TIAM1: variants seen among roughly 807,000 people sequenced by gnomAD.
TIAM1 encodes the protein TIAM Rac1 associated GEF 1.
A neutral mutation model predicts 163.5 loss-of-function variants in TIAM1; 65 were observed. That is an observed-to-expected ratio of 0.40 (90% confidence interval 0.33 to 0.49). The LOEUF is 0.49. Ranked by LOEUF, TIAM1 falls within the 20% of genes least tolerant of loss-of-function variation. TIAM1 has a pLI of 0.77. For missense variants in TIAM1, 1,789 were observed against 2,044.7 expected (o/e 0.87, Z 2.41); for synonymous variants, 833 against 810.1 (o/e 1.03, Z -0.48).
intron 20 of TIAM1, among the ~76,000 whole-genome samples, chr21:31,142,913 A>G (rs1402400971): frequency 1.3e-5 from 2 of 152,130 alleles, no homozygotes; most frequent in African/African-American, 4.8e-5. Context: ...AAACAGAGGT[A>G]CCTGGCAGGG....
At chr21:31,515,882 C>A (rs897406342) in intron 1 of TIAM1, among the ~76,000 whole-genome samples, 1 of 151,952 alleles carries the variant, frequency 6.6e-6, no homozygotes, top group African/African-American at 2.4e-5. Context: ...CCAAGGCAGG[C>A]GGATCACCTG....
chr21:31,264,905 C>G (rs1354947338), intron 4 of TIAM1, among the ~76,000 whole-genome samples: 1 of 152,198 alleles, frequency 6.6e-6, no homozygotes, highest in African/African-American at 2.4e-5. Context: ...CATCTACAAA[C>G]CACCTCCACA....
chr21:31,450,335 T>C (rs2044780814), intron 2 of TIAM1, among the ~76,000 whole-genome samples: 1 of 152,200 alleles, frequency 6.6e-6, no homozygotes, highest in Non-Finnish European at 1.5e-5. Flanking sequence ...TTTCCTTGAC[T>C]TTCTGCAAGA....
intron 2 of TIAM1, among the ~76,000 whole-genome samples, chr21:31,391,498 G>A (rs1354976863): frequency 1.3e-5 from 2 of 152,082 alleles, no homozygotes; most frequent in Non-Finnish European, 1.5e-5. Flanking sequence ...GGTGGCAGGC[G>A]CCTATAATCC....
At chr21:31,509,623 C>G (rs2047145743) in intron 1 of TIAM1, among the ~76,000 whole-genome samples, 1 of 152,234 alleles carries the variant, frequency 6.6e-6, no homozygotes, top group African/African-American at 2.4e-5. Context: ...CCCCTGCAGG[C>G]ATCAAGGACC....
chr21:31,407,902 T>C (rs959735111), intron 2 of TIAM1, among the ~76,000 whole-genome samples: 51 of 152,082 alleles, frequency 3.4e-4, no homozygotes, highest in Non-Finnish European at 1.0e-4. Context: ...CCTCCCAAAA[T>C]GCTAGGATAA....
intron 2 of TIAM1, among the ~76,000 whole-genome samples, chr21:31,297,340 T>C (rs2074316206): frequency 6.6e-6 from 1 of 152,182 alleles, no homozygotes; most frequent in South Asian, 2.1e-4. Flanking sequence ...CAGTTTTGGT[T>C]CTGCAAGACG....
intron 23 of TIAM1, 101 bp downstream of exon 23, chr21:31,135,832 A>T: frequency 9.1e-7 from 1 of 1,099,180 alleles, no homozygotes; most frequent in Non-Finnish European, 1.4e-6. Flanking sequence ...AACTGCAATT[A>T]ACTTTATTTT....
intron 2 of TIAM1, among the ~76,000 whole-genome samples, chr21:31,369,697 A>G (rs1195245180): frequency 6.6e-6 from 1 of 152,194 alleles, no homozygotes; most frequent in Non-Finnish European, 1.5e-5. Flanking sequence ...CAATTATTAC[A>G]TGTCAACTAA....
chr21:31,188,019 G>C lies in TIAM1; in HGVS notation c.2576-932C>G, dbSNP rs2186327. ...TCATCCCATAATATAGATACCCATC[G>C]TAATGCTGAGGGGAGAGCAGTGGTT... On this transcript the variant is annotated intron_variant, in intron 13 of 27. Coordinates refer to ENST00000541036, the MANE Select transcript of TIAM1 (RefSeq NM_001353694.2). Among the ~76,000 whole-genome samples the C allele has an allele frequency of 1.5e-3, 234 of 151,936 alleles. 1 individual carries two copies. The highest frequency in any genetic ancestry group is 4.3e-3 in the African/African-American group (179 of 41,396).
At chr21:31,138,863 C>G (rs2082724516) in intron 22 of TIAM1, among the ~76,000 whole-genome samples, 1 of 152,208 alleles carries the variant, frequency 6.6e-6, no homozygotes, top group South Asian at 2.1e-4. Context: ...CCTTCCACAA[C>G]AATATCTTCT....
rs531827205 is a variant in TIAM1 at position 31,448,610 on chromosome 21, A to T, written c.-369+15373T>A. Among the ~76,000 whole-genome samples the T allele has an allele frequency of 1.2e-3, 15 of 12,748 alleles. No individual in the cohort carries two copies. In the South Asian group the frequency reaches 0.028, roughly 24 times the overall value. The allele number at this position is 12,748 out of a possible 152,430, so 8.4% of individuals were successfully genotyped here. On this transcript the variant is annotated intron_variant, in intron 2 of 28. Transcript: ENST00000286827. ...GACAGAGAGAGACTCCATCTCAATTAAAAAAAAAAAAAAAAACAAGAAGTG... is the reference window on the plus strand; with the variant it reads ...GACAGAGAGAGACTCCATCTCAATTTAAAAAAAAAAAAAAAACAAGAAGTG...
In TIAM1 at chr21:31,440,021, T is replaced by C. The variant is rs1387859347; in HGVS notation, c.-369+23962A>G. On this transcript the variant is annotated intron_variant, in intron 2 of 28. Coordinates refer to the TIAM1 transcript ENST00000286827. ...ACCTTGCAGTTACCTAACCTCTCTG[T>C]GTCTCAGTTTCCCTCGTTTGGTAAA... Among the ~76,000 whole-genome samples the C allele has an allele frequency of 2.0e-5, 3 of 152,186 alleles. No individual in the cohort carries two copies. In the East Asian group the frequency reaches 5.8e-4, roughly 29 times the overall value.
chr21:31,332,300 G>A (rs2833376), intron 2 of TIAM1, among the ~76,000 whole-genome samples: 23,724 of 152,152 alleles, frequency 0.16, 1,984 homozygotes, highest in Non-Finnish European at 0.19. Context: ...CAAGCTAAAA[G>A]TTGAGTCTTG....
chr21:31,425,366 T>A (rs2147267336), intron 2 of TIAM1, among the ~76,000 whole-genome samples: 1 of 152,224 alleles, frequency 6.6e-6, no homozygotes, highest in East Asian at 1.9e-4. Flanking sequence ...TGGAGGCCAC[T>A]CCACAGGTCT....
chr21:31,215,030 G>GA (rs1569042161), intron 9 of TIAM1, among the ~76,000 whole-genome samples: 1 of 152,054 alleles, frequency 6.6e-6, no homozygotes, highest in Non-Finnish European at 1.5e-5. Flanking sequence ...CATACTTTTA[G>GA]AAAAAATACA....
At chr21:31,367,565 GA>G (rs1055751032) in intron 2 of TIAM1, among the ~76,000 whole-genome samples, 2 of 152,080 alleles carry the variant, frequency 1.3e-5, no homozygotes, top group Non-Finnish European at 2.9e-5. Context: ...AGTTTGGCAA[GA>G]ATGTTTTTAT....
rs754656363 is a variant in TIAM1 at position 31,141,525 on chromosome 21, G to A, written c.3476-21C>T. 1 of 1,610,314 alleles carries A rather than the reference G, an allele frequency of 6.2e-7. No individual in the cohort carries two copies. Among genetic ancestry groups the A allele is most frequent in the Non-Finnish European group, 8.5e-7 (1 of 1,178,288 alleles). Reference sequence around the variant, plus strand: ...CTTGGCTGGCAGGGTTTAAACACAGGTCATGGGGGTGGAACGCCCACGTGA... The same window carrying A: ...CTTGGCTGGCAGGGTTTAAACACAGATCATGGGGGTGGAACGCCCACGTGA... On this transcript the variant is annotated intron_variant, in intron 20 of 27. Transcript: ENST00000541036. The surrounding 1 kb of genome is among the most constrained non-coding windows in gnomAD (Gnocchi z 4.7).
At chr21:31,352,636 G>C (rs1451066445) in intron 2 of TIAM1, among the ~76,000 whole-genome samples, 1 of 150,412 alleles carries the variant, frequency 6.6e-6, no homozygotes, top group Non-Finnish European at 1.5e-5. Context: ...CGGATCACTT[G>C]AGGTCAGGAG....
Sources: gnomAD v4.1 joint callset for allele counts (sites outside exome capture counted in the v4.1 genomes callset) on GRCh38, gnomAD v4.1.1 for gene constraint, Gnocchi (gnomAD v3.1) non-coding constraint, MANE v1.5 for transcripts, NCBI Gene and HGNC (gene_info 2026-07-23, HGNC 2026-07-21) for gene names.